The following SLC38A1 variants were observed in gnomAD, a reference collection of about 807,000 sequenced individuals.
SLC38A1 encodes solute carrier family 38 member 1, also known as sodium-coupled neutral amino acid symporter 1.
A neutral mutation model predicts 60.3 loss-of-function variants in SLC38A1; 18 were observed. The observed-to-expected ratio is 0.30, with a 90% CI of 0.21 to 0.44. The LOEUF is 0.44. SLC38A1 is among the 20% of genes least tolerant of loss of function. The pLI is 1.00. For missense variants in SLC38A1, 448 were observed against 587.2 expected, an observed-to-expected ratio of 0.76 and a Z score of 2.45; for synonymous variants, 196 against 212.1, an observed-to-expected ratio of 0.92 and a Z score of 0.66.
intron 1 of SLC38A1, among the ~76,000 whole-genome samples, chr12:46,257,712 A>G (rs1271053440): frequency 6.6e-6 from 1 of 152,122 alleles, no homozygotes; most frequent in African/African-American, 2.4e-5. Context: ...ACCCAAAGCT[A>G]GCCTTTGGAT....
chr12:46,259,481 ATATAT>A (rs1942133604), intron 1 of SLC38A1, among the ~76,000 whole-genome samples: 1 of 152,368 alleles, frequency 6.6e-6, no homozygotes, highest in Admixed American at 6.5e-5. Flanking sequence ...AAATGAATTA[ATATAT>A]TAAAGTCAAC....
Position 46,249,971 on chromosome 12 carries a change from C to T in SLC38A1, c.-208-6657G>A, listed in dbSNP as rs556258542. On this transcript the variant is annotated intron_variant, in intron 1 of 16. Transcript: ENST00000398637. Reference sequence around the variant, plus strand: ...CTAATTAATGGAAAAAGAGGGAATCCTCCCTAACTCATTTTATGAGGCCCT... The same window carrying T: ...CTAATTAATGGAAAAAGAGGGAATCTTCCCTAACTCATTTTATGAGGCCCT... Among the ~76,000 whole-genome samples, 84 of 152,256 alleles carry T rather than the reference C, an allele frequency of 5.5e-4. 2 individuals are homozygous for T. In the South Asian group the frequency reaches 0.017, roughly 31 times the overall value.
chr12:46,204,902 C>G lies in SLC38A1; in HGVS notation c.647-312G>C, dbSNP rs139934856. Among the ~76,000 whole-genome samples, 308 of 152,332 alleles carry G rather than the reference C, an allele frequency of 2.0e-3. 2 individuals are homozygous for G. The highest frequency in any genetic ancestry group is 3.4e-3 in the Non-Finnish European group (228 of 68,042). ...ATTCCCAGAATCCAGCAGAAAAGAGCCTTCCAATTTTTGCTGTAAGTCTGT... is the reference window on the plus strand; with the variant it reads ...ATTCCCAGAATCCAGCAGAAAAGAGGCTTCCAATTTTTGCTGTAAGTCTGT... On this transcript the variant is annotated intron_variant, in intron 9 of 16. Transcript: ENST00000398637.
intron 1 of SLC38A1, among the ~76,000 whole-genome samples, chr12:46,246,031 G>C (rs571840913): frequency 6.6e-6 from 1 of 152,094 alleles, no homozygotes; most frequent in South Asian, 2.1e-4. Flanking sequence ...TCTCTGTCAC[G>C]GTCCGTTCAA....
chr12:46,237,296 T>C (rs1177995320), intron 3 of SLC38A1, among the ~76,000 whole-genome samples: 1 of 152,234 alleles, frequency 6.6e-6, no homozygotes, highest in Non-Finnish European at 1.5e-5. Flanking sequence ...GGTGTAGTTT[T>C]TGCAGGAATC....
intron 1 of SLC38A1, among the ~76,000 whole-genome samples, chr12:46,244,898 T>A (rs1941562864): frequency 6.6e-6 from 1 of 152,248 alleles, no homozygotes; most frequent in South Asian, 2.1e-4. Context: ...AAATTTTTTT[T>A]ATTACTGGAA....
At chr12:46,254,071 A>G (rs959749117) in intron 1 of SLC38A1, among the ~76,000 whole-genome samples, 1 of 152,166 alleles carries the variant, frequency 6.6e-6, no homozygotes, top group African/African-American at 2.4e-5. Flanking sequence ...AGAGTAAAGC[A>G]AAATAAGTAA....
chr12:46,246,369 C>G (rs867490711), intron 1 of SLC38A1, among the ~76,000 whole-genome samples: 1 of 152,236 alleles, frequency 6.6e-6, no homozygotes, highest in East Asian at 1.9e-4. Flanking sequence ...GCGCCTGGAT[C>G]GGCAGGTCCC....
rs138774570 is a variant in SLC38A1, at chr12:46,219,185, T to C, written c.314+9968A>G. Among the ~76,000 whole-genome samples the C allele has an allele frequency of 3.3e-5, 5 of 152,368 alleles. No homozygotes were observed. The East Asian group carries it at 9.6e-4, about 29-fold the overall frequency. Reference sequence around the variant, plus strand: ...TCAGTCAAACCATGAACTGAATTCCTTCCCAAAGTTAGTTCGGCCTATGCC... The same window carrying C: ...TCAGTCAAACCATGAACTGAATTCCCTCCCAAAGTTAGTTCGGCCTATGCC... On this transcript the variant is annotated intron_variant, in intron 5 of 16. Transcript: ENST00000398637.
intron 11 of SLC38A1, among the ~76,000 whole-genome samples, chr12:46,203,641 T>C (rs999014615): frequency 2.6e-5 from 4 of 152,250 alleles, no homozygotes; most frequent in African/African-American, 9.6e-5. Flanking sequence ...TCGCGATCTA[T>C]TTAGTTTTCT....
intron 5 of SLC38A1, among the ~76,000 whole-genome samples, chr12:46,218,784 G>A (rs1382835343): frequency 2.6e-5 from 4 of 152,080 alleles, no homozygotes; most frequent in African/African-American, 7.2e-5. Context: ...TGGCAGCTAG[G>A]GGCTTGGGAA....
intron 5 of SLC38A1, among the ~76,000 whole-genome samples, chr12:46,223,542 C>G (rs532972474): frequency 6.6e-6 from 1 of 151,932 alleles, no homozygotes; most frequent in South Asian, 2.1e-4. Context: ...TCCTTGCATG[C>G]CACTTTTCAA....
chr12:46,265,847 C>T (rs1757263637), intron 1 of SLC38A1, among the ~76,000 whole-genome samples: 1 of 152,184 alleles, frequency 6.6e-6, no homozygotes, highest in Non-Finnish European at 1.5e-5. Flanking sequence ...TCTCCACCGC[C>T]CACTCCCACT....
intron 3 of SLC38A1, among the ~76,000 whole-genome samples, chr12:46,237,985 G>A (rs1474917858): frequency 6.6e-6 from 1 of 151,826 alleles, no homozygotes; most frequent in African/African-American, 2.4e-5. Flanking sequence ...CCAGAGGGAG[G>A]AGGGTAGAGT....
chr12:46,250,536 C>T (rs975925904), intron 1 of SLC38A1, among the ~76,000 whole-genome samples: 1 of 152,128 alleles, frequency 6.6e-6, no homozygotes, highest in African/African-American at 2.4e-5. Flanking sequence ...TAGGAAAAGA[C>T]AAAGTCAAAC....
chr12:46,249,595 C>T (rs1941760441), intron 1 of SLC38A1, among the ~76,000 whole-genome samples: 1 of 151,822 alleles, frequency 6.6e-6, no homozygotes, highest in Non-Finnish European at 1.5e-5. Flanking sequence ...ACTAGCAAGA[C>T]TAATAAAGAA....
Position 46,239,910 on chromosome 12 carries a change from T to TA in SLC38A1, c.-93-18dup. ...TTGACACCCCTAAAATATAGCAAAA[T>TA]AAAAAAATAACTAAACATATGAAAC... On this transcript the variant is annotated splice_polypyrimidine_tract_variant and intron_variant, in intron 2 of 16. Coordinates refer to ENST00000398637, the MANE Select transcript of SLC38A1 (RefSeq NM_030674.4). 2 of 946,140 alleles carry TA rather than the reference T, an allele frequency of 2.1e-6. No homozygotes were observed. The highest frequency in any genetic ancestry group is 3.3e-5 in the African/African-American group (2 of 60,050). The allele number at this position is 946,140 out of a possible 1,614,324, so 58.6% of individuals were successfully genotyped here.
At position 46,187,595 on chromosome 12, in the gene SLC38A1, G is replaced by T. The variant is rs1249342231; in HGVS notation, c.*1375C>A. ...TGCTCCCTTTAGGAGAGGGACAAGG[G>T]TAAGAGTACCAGGCAACTCTGTCCT... On this transcript the variant is annotated 3_prime_UTR_variant, in exon 17 of 17. Transcript: ENST00000398637. 1 of 152,152 alleles carries T rather than the reference G, an allele frequency of 6.6e-6. No homozygotes were observed. Among genetic ancestry groups the T allele is most frequent in the African/African-American group, 2.4e-5 (1 of 41,420 alleles). 9.4% of individuals were successfully genotyped at this position (152,152 alleles called of 1,614,324 possible). A position where few individuals can be genotyped will look rare whatever the true frequency, so the allele number is the denominator to read the frequency against.
intron 1 of SLC38A1, among the ~76,000 whole-genome samples, chr12:46,265,853 C>A (rs186686668): frequency 6.6e-6 from 1 of 152,228 alleles, no homozygotes; most frequent in African/African-American, 2.4e-5. Flanking sequence ...CCGCCCACTC[C>A]CACTGCCCCT....
Sources: gnomAD v4.1 joint callset for allele counts (sites outside exome capture counted in the v4.1 genomes callset) on GRCh38, gnomAD v4.1.1 for gene constraint, MANE v1.5 for transcripts, NCBI Gene and HGNC (gene_info 2026-07-23, HGNC 2026-07-21) for gene names.